Variants in ADNP2 observed in about 807,000 individuals in gnomAD.
ADNP2 encodes ADNP homeobox 2, also known as activity-dependent neuroprotector homeobox protein 2.
ADNP2 carries 8 observed loss-of-function variants against 16.4 expected under a neutral mutation model. The observed-to-expected ratio is 0.49, with a 90% CI of 0.29 to 0.88. ADNP2 has a LOEUF of 0.88. Among genes scored for constraint, ADNP2 ranks in the 40% least tolerant of loss-of-function variants. ADNP2 has a pLI of 0.09. For missense variants in ADNP2, 1,397 were observed against 1,395.1 expected (o/e 1.00, Z -0.02); for synonymous variants, 637 against 545.8 (o/e 1.17, Z -2.33).
chr18:80,127,437 A>T (rs1185794016), intron 2 of ADNP2, among the ~76,000 whole-genome samples: 2 of 146,484 alleles, frequency 1.4e-5, no homozygotes, highest in Admixed American at 1.4e-4. Context: ...GGCAGCATCT[A>T]ATCTGCTCTT....
In ADNP2 at chr18:80,138,189, A is replaced by G; in HGVS notation, c.2776A>G (p.Met926Val). 1 of 1,614,148 alleles carries G rather than the reference A, an allele frequency of 6.2e-7. No individual in the cohort carries two copies. The highest frequency in any genetic ancestry group is 8.5e-7 in the Non-Finnish European group (1 of 1,180,034). ...CTGCTGTGGGGTCTACACGGGAAATATGACCCTGGCTGCCATCGCCGTCCA... is the reference window on the plus strand; with the variant it reads ...CTGCTGTGGGGTCTACACGGGAAATGTGACCCTGGCTGCCATCGCCGTCCA... ...IHCCGVYTGN[M>V]TLAAIAVHLV... is the part of the protein sequence containing the mutation. Residue 926 changes from methionine (M) to valine (V), a missense_variant, in exon 4 of 4, where the codon ATG becomes GTG. Met to Val is a conservative substitution (Grantham distance 21). Around this residue, in one of 3 missense-constraint regions of ADNP2, gnomAD observed 611 missense variants for 648.7 expected, o/e 0.94. Coordinates refer to ENST00000262198, the MANE Select transcript of ADNP2 (RefSeq NM_014913.4).
intron 2 of ADNP2, among the ~76,000 whole-genome samples, chr18:80,121,284 C>T (rs575713169): frequency 1.4e-4 from 21 of 152,154 alleles, no homozygotes; most frequent in South Asian, 6.2e-4. Context: ...TTTGCATTTC[C>T]GTAGACAAAT....
chr18:80,112,455 A>C (rs1027470129), intron 1 of ADNP2, among the ~76,000 whole-genome samples: 1 of 151,616 alleles, frequency 6.6e-6, no homozygotes. Context: ...GGAGGGGGGA[A>C]CTTTTCCCCC....
At chr18:80,131,428 G>A (rs1403989683) in intron 2 of ADNP2, among the ~76,000 whole-genome samples, 12 of 152,024 alleles carry the variant, frequency 7.9e-5, no homozygotes, top group East Asian at 3.8e-4. Context: ...TCCTCTATAC[G>A]TTCTAGATCT....
At chr18:80,130,930 A>G (rs977671788) in intron 2 of ADNP2, among the ~76,000 whole-genome samples, 1 of 152,222 alleles carries the variant, frequency 6.6e-6, no homozygotes, top group Non-Finnish European at 1.5e-5. Context: ...CATCTGTCTT[A>G]TCCATGGTTG....
At chr18:80,116,053 C>T (rs1378442273) in intron 1 of ADNP2, among the ~76,000 whole-genome samples, 1 of 152,196 alleles carries the variant, frequency 6.6e-6, no homozygotes, top group African/African-American at 2.4e-5. Context: ...GTGTGAGCCA[C>T]TGCACTCGGC....
intron 2 of ADNP2, among the ~76,000 whole-genome samples, chr18:80,123,704 A>G (rs1333777597): frequency 6.6e-6 from 1 of 150,716 alleles, no homozygotes; most frequent in East Asian, 2.0e-4. Flanking sequence ...AGTTTGAGAA[A>G]AATTGATGTT....
intron 2 of ADNP2, among the ~76,000 whole-genome samples, chr18:80,123,340 TAGA>T (rs1326137351): frequency 6.6e-6 from 1 of 152,176 alleles, no homozygotes; most frequent in Non-Finnish European, 1.5e-5. Flanking sequence ...AAGAATGAGT[TAGA>T]AGTTGTTCCC....
Position 80,136,657 on chromosome 18 carries a change from G to A in ADNP2, c.1244G>A (p.Gly415Glu), listed in dbSNP as rs1599823432. The A allele has an allele frequency of 6.2e-7, 1 of 1,613,628 alleles. No individual in the cohort carries two copies. The highest frequency in any genetic ancestry group is 8.5e-7 in the Non-Finnish European group (1 of 1,179,698). ...GTGGGACCCATAAACAGACCTGTTG[G>A]GCCTGGTGTTCTTCCTGTGAGCCCC... is the stretch of plus-strand genomic sequence containing the variant. ...QPVGPINRPV[G>E]PGVLPVSPSV... The change falls in exon 4 of 4, where the codon GGG (glycine) becomes GAG (glutamate). Residue 415 changes from glycine to glutamate, a missense_variant. Transcript: ENST00000262198.
intron 2 of ADNP2, among the ~76,000 whole-genome samples, chr18:80,123,711 TGTTA>T (rs1312395351): frequency 4.0e-5 from 6 of 151,288 alleles, no homozygotes; most frequent in South Asian, 2.1e-4. Flanking sequence ...GAAAAATTGA[TGTTA>T]GTTCTTTCTT....
chr18:80,116,083 G>A (rs1198633093), intron 1 of ADNP2, among the ~76,000 whole-genome samples: 2 of 152,160 alleles, frequency 1.3e-5, no homozygotes, highest in African/African-American at 4.8e-5. Flanking sequence ...TGCTTTCTAT[G>A]GATTTGCCTG....
chr18:80,138,140 G>A lies in ADNP2; in HGVS notation c.2727G>A (p.Lys909=). The change falls in exon 4 of 4, where the codon AAG becomes AAA. Residue 909 remains lysine, a synonymous_variant. Coordinates refer to ENST00000262198, the MANE Select transcript of ADNP2 (RefSeq NM_014913.4). ...TGCCCACAGTCCACACGGTCCTGAA[G>A]TCTCCCGCCTTCAAGTGCATCCACT... is the stretch of plus-strand genomic sequence containing the variant. ...HIMPTVHTVL[K]SPAFKCIHCC... 1 of 1,614,096 alleles carries A rather than the reference G, an allele frequency of 6.2e-7. No individual in the cohort carries two copies. Among genetic ancestry groups the A allele is most frequent in the Non-Finnish European group, 8.5e-7 (1 of 1,180,036 alleles).
Position 80,136,973 on chromosome 18 carries a change from T to A in ADNP2, c.1560T>A (p.Leu520=). 1 of 1,613,868 alleles carries A rather than the reference T, an allele frequency of 6.2e-7. No individual in the cohort carries two copies. Among genetic ancestry groups the A allele is most frequent in the South Asian group, 1.1e-5 (1 of 91,062 alleles). The stretch of plus-strand genomic sequence containing the variant: ...GCCAGGTGGTCCCGTCTGGGCTTCT[T>A]TCTCCCAACCAGACAGTCTCCTCCT... ...SAGQVVPSGL[L]SPNQTVSSSA... is the part of the protein sequence containing the mutation. Residue 520 remains leucine (L), a synonymous_variant, in exon 4 of 4, where the codon CTT becomes CTA. Transcript: ENST00000262198.
intron 2 of ADNP2, among the ~76,000 whole-genome samples, chr18:80,120,334 CT>C (rs71163859): frequency 1.1e-3 from 154 of 142,992 alleles, no homozygotes; most frequent in Non-Finnish European, 9.9e-4. Context: ...ATATTCTTTT[CT>C]TTTTTTTTTT....
chr18:80,125,371 C>G (rs1418026558), intron 2 of ADNP2, among the ~76,000 whole-genome samples: 1 of 151,918 alleles, frequency 6.6e-6, no homozygotes, highest in East Asian at 1.9e-4. Context: ...AGGCCGGGGG[C>G]GGTGGCTCAC....
intron 2 of ADNP2, among the ~76,000 whole-genome samples, chr18:80,130,593 A>G (rs1014946761): frequency 2.0e-5 from 3 of 152,182 alleles, no homozygotes; most frequent in Non-Finnish European, 4.4e-5. Context: ...TTTTTCTTGT[A>G]CACCTTCTCA....
At chr18:80,112,242 A>T (rs1342480068) in intron 1 of ADNP2, among the ~76,000 whole-genome samples, 2 of 152,164 alleles carry the variant, frequency 1.3e-5, no homozygotes. Flanking sequence ...TTATCTTAGG[A>T]TTGATAAATT....
intron 2 of ADNP2, among the ~76,000 whole-genome samples, chr18:80,124,844 C>T (rs138050471): frequency 7.9e-5 from 12 of 152,212 alleles, no homozygotes; most frequent in East Asian, 1.9e-4. Context: ...ATGGTTTATG[C>T]GTGAGTCTTA....
chr18:80,129,875 C>A (rs1401266405), intron 2 of ADNP2, among the ~76,000 whole-genome samples: 1 of 152,176 alleles, frequency 6.6e-6, no homozygotes, highest in Non-Finnish European at 1.5e-5. Context: ...CTGATTCTGT[C>A]ACATGTAGAT....
Sources: gnomAD v4.1 joint callset for allele counts (sites outside exome capture counted in the v4.1 genomes callset) on GRCh38, gnomAD v4.1.1 for gene constraint, gnomAD v4.1.1 regional missense constraint, MANE v1.5 for transcripts, NCBI Gene and HGNC (gene_info 2026-07-23, HGNC 2026-07-21) for gene names.